Variants in MGAT4B observed in about 807,000 individuals in gnomAD.
The protein encoded by MGAT4B is alpha-1,3-mannosyl-glycoprotein 4-beta-N-acetylglucosaminyltransferase B, also known as N-acetylglucosaminyltransferase IVb.
A neutral mutation model predicts 73.9 loss-of-function variants in MGAT4B; 38 were observed. The ratio of observed to expected loss-of-function variants is 0.51; its 90% confidence interval spans 0.40 to 0.67. MGAT4B has a LOEUF of 0.67. Ranked by LOEUF, MGAT4B falls within the 30% of genes least tolerant of loss-of-function variation. The pLI, the probability that MGAT4B is intolerant of heterozygous loss-of-function variation, is 0.00. For synonymous variants in MGAT4B, 373 were observed against 313.5 expected, an observed-to-expected ratio of 1.19 and a Z score of -2.01; for missense variants, 686 against 735.2, an observed-to-expected ratio of 0.93 and a Z score of 0.77.
intron 1 of MGAT4B, among the ~76,000 whole-genome samples, chr5:179,804,654 C>A (rs1011218884): frequency 8.5e-5 from 13 of 152,304 alleles, no homozygotes; most frequent in African/African-American, 3.1e-4. Flanking sequence ...CCCTGCCCAC[C>A]TCCTTCCTTC....
chr5:179,799,117 T>C lies in MGAT4B; in HGVS notation c.1154A>G (p.Lys385Arg). The C allele has an allele frequency of 3.1e-6, 5 of 1,613,978 alleles. No individual in the cohort carries two copies. Among genetic ancestry groups the C allele is most frequent in the Non-Finnish European group, 4.2e-6 (5 of 1,180,034 alleles). ...CCGCAGCGCCTGCTTTCCAAAGTCT[T>C]TGTCCTGCAGCGGAGGAGGGACAGC... Reference protein sequence around the residue: ...LAGKIQKLKDKDFGKQALRKE... With the variant: ...LAGKIQKLKDRDFGKQALRKE... Residue 385 changes from lysine to arginine, a missense_variant, in exon 11 of 15, where the codon AAA becomes AGA. Lys to Arg is a conservative substitution (Grantham distance 26). This residue lies in a region of MGAT4B where 449 missense variants were observed against 536.8 expected (regional missense o/e 0.84). Coordinates refer to ENST00000292591, the MANE Select transcript of MGAT4B (RefSeq NM_014275.5).
chr5:179,803,248 C>G (rs1286794733), intron 1 of MGAT4B: 2 of 985,270 alleles, frequency 2.0e-6, no homozygotes, highest in Non-Finnish European at 2.4e-6. Flanking sequence ...CCCTGCCTCT[C>G]TGGGGCTAAA....
Position 179,800,025 on chromosome 5 carries a change from A to G in MGAT4B, c.839T>C (p.Met280Thr), listed in dbSNP as rs2113427444. 2 of 1,614,064 alleles carry G rather than the reference A, an allele frequency of 1.2e-6. No individual in the cohort carries two copies. The highest frequency in any genetic ancestry group is 1.6e-4 in the Middle Eastern group (1 of 6,062). The change falls in exon 8 of 15, where the codon ATG becomes ACG. Residue 280 changes from methionine (M) to threonine (T), a missense_variant. Physicochemically the swap from Met to Thr is moderately conservative, Grantham distance 81. Coordinates refer to ENST00000292591, the MANE Select transcript of MGAT4B (RefSeq NM_014275.5). ...AGGCTGCTGCAGTGCAAAGTTCTTC[A>G]TGGTGCTCAGGTAGTTGGGCTTGGC... ...IVAKPNYLST[M>T]KNFALQQPSE...
At position 179,798,056 on chromosome 5, in the gene MGAT4B, T is replaced by G; in HGVS notation, c.1636A>C (p.Lys546Gln). The G allele has an allele frequency of 6.2e-7, 1 of 1,609,498 alleles. No individual in the cohort carries two copies. Among genetic ancestry groups the G allele is most frequent in the Non-Finnish European group, 8.5e-7 (1 of 1,178,576 alleles). The change falls in exon 15 of 15, where the codon AAG (lysine) becomes CAG (glutamine). Residue 546 changes from lysine (K) to glutamine (Q), a missense_variant. Physicochemically the swap from Lys to Gln is moderately conservative, Grantham distance 53 (BLOSUM62 1). Coordinates refer to ENST00000292591, the MANE Select transcript of MGAT4B (RefSeq NM_014275.5). Reference protein sequence around the residue: ...WVILSEIFLKKAD With the variant: ...WVILSEIFLKQAD ...CAGAAGCCCGCAGCTTAGTCGGCCT[T>G]TTTCAGGAAGATCTGGAAGAGCCGG...
intron 1 of MGAT4B, chr5:179,802,204 G>C (rs1026044871): frequency 3.1e-5 from 46 of 1,478,500 alleles, no homozygotes; most frequent in Non-Finnish European, 3.9e-5. Context: ...CCCCACCGGG[G>C]GTTATTTTAT....
rs1757175625 is a variant in MGAT4B at position 179,806,670 on chromosome 5, G to A, written c.-87C>T. 1.6e-5 allele frequency: 10 copies of A among 631,018 alleles called. No individual in the cohort carries two copies. Among genetic ancestry groups the A allele is most frequent in the Non-Finnish European group, 2.0e-5 (10 of 506,640 alleles). The allele number at this position is 631,018 out of a possible 1,614,324, so 39.1% of individuals were successfully genotyped here. Reference sequence around the variant, plus strand: ...CGGGGCGCAGGGGTCGGAAGGCGGCGGCGGCGGCGGCAGGGGCCCCGGCCC... The same window carrying A: ...CGGGGCGCAGGGGTCGGAAGGCGGCAGCGGCGGCGGCAGGGGCCCCGGCCC... On this transcript the variant is annotated 5_prime_UTR_variant, in exon 1 of 15. Coordinates refer to ENST00000292591, the MANE Select transcript of MGAT4B (RefSeq NM_014275.5). This position sits in a 1 kb window ranked among gnomAD's most constrained non-coding sequence, Gnocchi z 4.6.
Position 179,801,346 on chromosome 5 carries a change from C to T in MGAT4B, c.546G>A (p.Val182=). ...CCGGCTCACTCGCCTCGGCGATCAG[C>T]ACCACGATGACCGAGTCCTCCTTCT... ...PQEKEDSVIV[V]LIAETDSQYT... Residue 182 remains valine, a synonymous_variant, in exon 4 of 15, where the codon GTG becomes GTA. Coordinates refer to ENST00000292591, the MANE Select transcript of MGAT4B (RefSeq NM_014275.5). This position sits in a 1 kb window ranked among gnomAD's most constrained non-coding sequence, Gnocchi z 4.8. 1 of 1,611,636 alleles carries T rather than the reference C, an allele frequency of 6.2e-7. No homozygotes were observed. The highest frequency in any genetic ancestry group is 8.5e-7 in the Non-Finnish European group (1 of 1,178,926).
intron 7 of MGAT4B, 34 bp downstream of exon 7, chr5:179,800,145 CGCAGG>C (rs754248357): frequency 3.0e-5 from 49 of 1,611,362 alleles, no homozygotes; most frequent in Middle Eastern, 1.7e-4. Context: ...GGCAGGGCGG[CGCAGG>C]GCAGGGCAGG....
intron 11 of MGAT4B, 38 bp downstream of exon 11, chr5:179,798,890 C>T (rs1475820586): frequency 1.2e-6 from 2 of 1,608,634 alleles, no homozygotes; most frequent in South Asian, 1.1e-5. Context: ...GGCCACCCAG[C>T]CCCGCCCCCA....
Position 179,806,259 on chromosome 5 carries a change from G to A in MGAT4B, c.97+228C>T. 1 of 174,840 alleles carries A rather than the reference G, an allele frequency of 5.7e-6. No homozygotes were observed. Among genetic ancestry groups the A allele is most frequent in the Non-Finnish European group, 1.2e-5 (1 of 83,688 alleles). 10.8% of individuals were successfully genotyped at this position (174,840 alleles called of 1,614,324 possible). A position where few individuals can be genotyped will look rare whatever the true frequency, so the allele number is the denominator to read the frequency against. On this transcript the variant is annotated intron_variant, in intron 1 of 14. Transcript: ENST00000292591. The surrounding 1 kb of genome is among the most constrained non-coding windows in gnomAD (Gnocchi z 4.6). ...GCTCAGCGTCGGGACAGCTGCGCCC[G>A]CGGAGTCCGGTCCGGAGCACCCACG...
chr5:179,802,003 G>T (rs763683882), intron 1 of MGAT4B, 34 bp from the exon 2 acceptor site: 2 of 1,613,344 alleles, frequency 1.2e-6, no homozygotes, highest in Admixed American at 1.7e-5. Flanking sequence ...ACGAGGGGGC[G>T]GTCTAGAGCC....
At chr5:179,799,335 G>A in intron 9 of MGAT4B, 25 bp from the exon 10 acceptor site, 3 of 1,610,944 alleles carry the variant, frequency 1.9e-6, no homozygotes, top group East Asian at 2.2e-5. Flanking sequence ...CAACACCCCA[G>A]GGCTCGGCTT....
chr5:179,797,949 C>T lies in MGAT4B; in HGVS notation c.*96G>A, dbSNP rs1756720195. 13 of 1,488,856 alleles carry T rather than the reference C, an allele frequency of 8.7e-6. No individual in the cohort carries two copies. The highest frequency in any genetic ancestry group is 8.5e-5 in the South Asian group (7 of 82,606). The allele number at this position is 1,488,856 out of a possible 1,614,324, so 92.2% of individuals were successfully genotyped here. A position where few individuals can be genotyped will look rare whatever the true frequency, so the allele number is the denominator to read the frequency against. ...CCGACGCCAGGCAGAACCCTTTGGGCGGGGCCGTATCTGGCCCTCCGGGGA... is the reference window on the plus strand; with the variant it reads ...CCGACGCCAGGCAGAACCCTTTGGGTGGGGCCGTATCTGGCCCTCCGGGGA... On this transcript the variant is annotated 3_prime_UTR_variant, in exon 15 of 15. Transcript: ENST00000292591.
chr5:179,800,925 G>A lies in MGAT4B; in HGVS notation c.587C>T (p.Thr196Ile), dbSNP rs201676330. ...ETDSQYTSAV[T>I]ENIKALFPTE... Reference sequence around the variant, plus strand: ...TACTCACAAGGCCTTGATGTTCTCTGTCACTGCCGAAGTGTACTGTGAGTC... The same window carrying A: ...TACTCACAAGGCCTTGATGTTCTCTATCACTGCCGAAGTGTACTGTGAGTC... Residue 196 changes from threonine (T) to isoleucine (I), a missense_variant, in exon 5 of 15, where the codon ACA (threonine) becomes ATA (isoleucine). Physicochemically the swap from Thr to Ile is moderately conservative, Grantham distance 89. Around this residue, in one of 2 missense-constraint regions of MGAT4B, gnomAD observed 449 missense variants for 536.8 expected, o/e 0.84. Transcript: ENST00000292591. The A allele has an allele frequency of 2.5e-6, 4 of 1,613,784 alleles. No homozygotes were observed. Among genetic ancestry groups the A allele is most frequent in the East Asian group, 2.2e-5 (1 of 44,852 alleles).
chr5:179,804,973 G>A (rs1400372332), intron 1 of MGAT4B: 1 of 152,334 alleles, frequency 6.6e-6, no homozygotes, highest in South Asian at 2.1e-4. Flanking sequence ...ATCCCCTAGG[G>A]GCTGGGCTCG....
In MGAT4B at chr5:179,798,513, G is replaced by A. The variant is rs552336424; in HGVS notation, c.1422C>T (p.Asp474=). The change falls in exon 12 of 15, where the codon GAC becomes GAT. Residue 474 remains aspartate (D), a splice_region_variant and synonymous_variant. Transcript: ENST00000292591. ...TGCACACCACACCCACCGAACTTAC[G>A]TCGAAGGGCAGCACCTCCACAGACG... is the stretch of plus-strand genomic sequence containing the variant. ...FNTSVEVLPF[D]NPQSDKEALQ... is the part of the protein sequence containing the mutation. The A allele has an allele frequency of 2.5e-5, 41 of 1,613,520 alleles. No individual in the cohort carries two copies. The highest frequency in any genetic ancestry group is 4.0e-5 in the African/African-American group (3 of 75,060).
At position 179,806,681 on chromosome 5, in the gene MGAT4B, C is replaced by T; in HGVS notation, c.-98G>A. On this transcript the variant is annotated 5_prime_UTR_variant, in exon 1 of 15. Coordinates refer to ENST00000292591, the MANE Select transcript of MGAT4B (RefSeq NM_014275.5). This position sits in a 1 kb window ranked among gnomAD's most constrained non-coding sequence, Gnocchi z 4.6. ...GGTCGGAAGGCGGCGGCGGCGGCGG[C>T]AGGGGCCCCGGCCCCGGGTCGGGGA... The T allele has an allele frequency of 2.5e-6, 1 of 406,944 alleles. No individual in the cohort carries two copies. The highest frequency in any genetic ancestry group is 3.3e-6 in the Non-Finnish European group (1 of 306,732). The allele number at this position is 406,944 out of a possible 1,614,324, so 25.2% of individuals were successfully genotyped here. A position where few individuals can be genotyped will look rare whatever the true frequency, so the allele number is the denominator to read the frequency against.
intron 1 of MGAT4B, chr5:179,802,606 G>A: frequency 1.0e-6 from 1 of 989,858 alleles, no homozygotes; most frequent in Non-Finnish European, 1.2e-6. Context: ...TGGTGCCTGT[G>A]TCTCTGGAGA....
At position 179,799,536 on chromosome 5, in the gene MGAT4B, C is replaced by T; in HGVS notation, c.1011G>A (p.Trp337Ter). The T allele has an allele frequency of 6.2e-7, 1 of 1,613,976 alleles. No individual in the cohort carries two copies. The highest frequency in any genetic ancestry group is 8.5e-7 in the Non-Finnish European group (1 of 1,180,016). Residue 337 changes from tryptophan to a stop codon, truncating the protein, a stop_gained, in exon 9 of 15, where the codon TGG (tryptophan) becomes TGA (stop). Transcript: ENST00000292591. LOFTEE classifies it high-confidence loss of function. ...PIDWLLDHILWVKVCNPEKDA... is the reference protein window; with the variant it reads ...PIDWLLDHIL Reference sequence around the variant, plus strand: ...CCTTCTCGGGGTTGCAGACTTTCACCCACAGAATATGGTCCAGGAGCCAGT... The same window carrying T: ...CCTTCTCGGGGTTGCAGACTTTCACTCACAGAATATGGTCCAGGAGCCAGT...
Sources: gnomAD v4.1 joint callset for allele counts (sites outside exome capture counted in the v4.1 genomes callset) on GRCh38, gnomAD v4.1.1 for gene constraint, gnomAD v4.1.1 regional missense constraint, Gnocchi (gnomAD v3.1) non-coding constraint, MANE v1.5 for transcripts, NCBI Gene and HGNC (gene_info 2026-07-23, HGNC 2026-07-21) for gene names.